IL18RAP: variants seen among roughly 807,000 people sequenced by gnomAD.
IL18RAP encodes interleukin-18 receptor accessory protein.
A neutral mutation model predicts 58.1 loss-of-function variants in IL18RAP; 37 were observed. That is an observed-to-expected ratio of 0.64 (90% CI 0.49 to 0.84). IL18RAP has a LOEUF of 0.84. Ranked by LOEUF, IL18RAP falls within the 40% of genes least tolerant of loss-of-function variation. The probability of loss-of-function intolerance (pLI) is 0.00; values close to 1 mark genes in which losing one functional copy is unlikely to be tolerated. For missense variants in IL18RAP, 667 were observed against 704.8 expected (o/e 0.95, Z 0.61); for synonymous variants, 268 against 257.5 (o/e 1.04, Z -0.39).
Position 102,451,960 on chromosome 2 carries a change from G to T in IL18RAP, c.1579G>T (p.Val527Leu), listed in dbSNP as rs143081976. The stretch of plus-strand genomic sequence containing the variant: ...AGAGCCAGAGTCTCTACCTCATCTC[G>T]TGAAAAAAGCTCTCAGGGTTTTGCC... ...FQEPESLPHL[V>L]KKALRVLPTV... The change falls in exon 10 of 10, where the codon GTG becomes TTG. Residue 527 changes from valine (V) to leucine (L), a missense_variant. Physicochemically the swap from Val to Leu is conservative, Grantham distance 32 (BLOSUM62 1). Coordinates refer to ENST00000687160, the MANE Select transcript of IL18RAP (RefSeq NM_001393487.1). 6.0e-4 allele frequency: 971 copies of T among 1,613,950 alleles called. 11 individuals are homozygous for T. The highest frequency in any genetic ancestry group is 1.6e-4 in the Middle Eastern group (1 of 6,084).
Position 102,452,377 on chromosome 2 carries a change from C to A in IL18RAP, c.*196C>A. 1.9e-6 allele frequency: 1 copy of A among 527,786 alleles called. No homozygotes were observed. Among genetic ancestry groups the A allele is most frequent in the Non-Finnish European group, 3.3e-6 (1 of 303,402 alleles). 32.7% of individuals were successfully genotyped at this position (527,786 alleles called of 1,614,324 possible). A position where few individuals can be genotyped will look rare whatever the true frequency, so the allele number is the denominator to read the frequency against. On this transcript the variant is annotated 3_prime_UTR_variant, in exon 10 of 10. Coordinates refer to ENST00000687160, the MANE Select transcript of IL18RAP (RefSeq NM_001393487.1). The stretch of plus-strand genomic sequence containing the variant: ...CCTTTGATTTCCTGGACTGGACTGA[C>A]GGCGAGTGAATTCTCTAGACCTTGG...
intron 3 of IL18RAP, among the ~76,000 whole-genome samples, chr2:102,427,279 T>A (rs11678975): frequency 0.22 from 33,601 of 152,052 alleles, 4,415 homozygotes; most frequent in East Asian, 0.4. Context: ...AAAAGTGGGA[T>A]TGCTGAATCA....
intron 5 of IL18RAP, among the ~76,000 whole-genome samples, chr2:102,441,996 A>G (rs1392129257): frequency 6.6e-6 from 1 of 152,226 alleles, no homozygotes; most frequent in African/African-American, 2.4e-5. Flanking sequence ...CCCCAGGAAC[A>G]GGTGGTTTCG....
chr2:102,443,096 T>C (rs984303826), intron 5 of IL18RAP, 104 bp from the exon 6 acceptor site: 25 of 1,102,464 alleles, frequency 2.3e-5, no homozygotes, highest in African/African-American at 3.2e-5. Context: ...CCTGCAAACC[T>C]GATTGCATCA....
chr2:102,422,111 C>G (rs1452186828), upstream of IL18RAP, among the ~76,000 whole-genome samples: 2 of 152,198 alleles, frequency 1.3e-5, no homozygotes, highest in East Asian at 3.9e-4. Flanking sequence ...CTACTCCTCT[C>G]TCTCCACCCT....
chr2:102,442,365 C>T (rs532629034), intron 5 of IL18RAP, among the ~76,000 whole-genome samples: 22 of 151,750 alleles, frequency 1.4e-4, no homozygotes, highest in African/African-American at 3.6e-4. Context: ...TAGAAAGAAA[C>T]ATAAAAATAC....
intron 3 of IL18RAP, among the ~76,000 whole-genome samples, chr2:102,425,460 A>G (rs539876831): frequency 1.3e-5 from 2 of 152,244 alleles, no homozygotes; most frequent in African/African-American, 4.8e-5. Flanking sequence ...GGGTGGACGA[A>G]CGGCATGGGG....
At chr2:102,437,718 T>A (rs1278970098) in intron 4 of IL18RAP, among the ~76,000 whole-genome samples, 1 of 152,178 alleles carries the variant, frequency 6.6e-6, no homozygotes, top group Non-Finnish European at 1.5e-5. Context: ...AAATCATAAT[T>A]TTTTTTCTTT....
In IL18RAP at chr2:102,435,594, G is replaced by T. The variant is rs117645173; in HGVS notation, c.580-1618G>T. Reference sequence around the variant, plus strand: ...CAGGGAGGAGAGTGAAAGAAATGCAGGTCTTTGGAGTCCTCCCAGACTGGG... The same window carrying T: ...CAGGGAGGAGAGTGAAAGAAATGCATGTCTTTGGAGTCCTCCCAGACTGGG... On this transcript the variant is annotated intron_variant, in intron 3 of 9. Coordinates refer to ENST00000687160, the MANE Select transcript of IL18RAP (RefSeq NM_001393487.1). Among the ~76,000 whole-genome samples the T allele has an allele frequency of 4.1e-4, 63 of 152,232 alleles. 1 individual carries two copies. The East Asian group carries it at 0.011, about 26-fold the overall frequency.
intron 3 of IL18RAP, among the ~76,000 whole-genome samples, chr2:102,430,503 A>T (rs1682270569): frequency 1.3e-5 from 2 of 151,936 alleles, no homozygotes; most frequent in African/African-American, 2.4e-5. Context: ...ATGTCTTTTG[A>T]TTGGAGACAT....
At chr2:102,433,545 TG>T (rs1213112648) in intron 3 of IL18RAP, among the ~76,000 whole-genome samples, 13 of 148,122 alleles carry the variant, frequency 8.8e-5, no homozygotes, top group Non-Finnish European at 9.0e-5. Flanking sequence ...GTTTGTTTTT[TG>T]AGATGGAATC....
chr2:102,452,128 G>A lies in IL18RAP; in HGVS notation c.1747G>A (p.Gly583Arg), dbSNP rs1486399505. The stretch of plus-strand genomic sequence containing the variant: ...TACCTCTAGGATTTTTCAGTGGAAA[G>A]GACTCAGTAGAACAGAAACCACTGG... Reference protein sequence around the residue: ...RITSRIFQWKGLSRTETTGRS... With the variant: ...RITSRIFQWKRLSRTETTGRS... The change falls in exon 10 of 10, where the codon GGA becomes AGA. Residue 583 changes from glycine (G) to arginine (R), a missense_variant. Transcript: ENST00000687160. The A allele has an allele frequency of 6.2e-7, 1 of 1,613,900 alleles. No individual in the cohort carries two copies. Among genetic ancestry groups the A allele is most frequent in the Non-Finnish European group, 8.5e-7 (1 of 1,179,986 alleles).
chr2:102,423,717 A>T (rs6543133), intron 1 of IL18RAP, 94 bp from the exon 2 acceptor site: 419,809 of 879,996 alleles, frequency 0.48, 107,212 homozygotes, highest in African/African-American at 0.74. Context: ...CAAGGAAGCT[A>T]GATCTCTTGT....
chr2:102,424,627 T>A (rs149806243), intron 3 of IL18RAP, among the ~76,000 whole-genome samples: 1 of 152,148 alleles, frequency 6.6e-6, no homozygotes, highest in East Asian at 1.9e-4. Context: ...GGCATCCTTT[T>A]GATCAACACC....
At chr2:102,437,614 A>T (rs4479442) in intron 4 of IL18RAP, among the ~76,000 whole-genome samples, 78,496 of 152,034 alleles carry the variant, frequency 0.52, 21,665 homozygotes, top group African/African-American at 0.67. Flanking sequence ...TAATAAATTT[A>T]AAAAATGTAT....
intron 8 of IL18RAP, among the ~76,000 whole-genome samples, chr2:102,450,118 G>A (rs564662015): frequency 3.0e-4 from 5 of 16,876 alleles, no homozygotes; most frequent in Middle Eastern, 0.021. Context: ...ATCCCATTCC[G>A]AAGCCTGTGA....
At chr2:102,451,121 G>A in intron 9 of IL18RAP, 100 bp downstream of exon 9, 1 of 954,160 alleles carries the variant, frequency 1.0e-6, no homozygotes, top group East Asian at 2.6e-5. Context: ...TATAGATCTG[G>A]GAGATTACAT....
chr2:102,431,654 C>T (rs1403124654), intron 3 of IL18RAP, among the ~76,000 whole-genome samples: 1 of 151,924 alleles, frequency 6.6e-6, no homozygotes, highest in Admixed American at 6.6e-5. Context: ...ATCACGGATG[C>T]TTTCTTCTGC....
rs201832137 is a variant in IL18RAP, at chr2:102,424,091, G to C, written c.351G>C (p.Gly117=). ...DKCTLHFLTP[G]VNNSGSYICR... is the part of the protein sequence containing the mutation. Reference sequence around the variant, plus strand: ...GTACCCTTCACTTTTTGACCCCAGGGGTGAATAATTCTGGGTCATATATTT... The same window carrying C: ...GTACCCTTCACTTTTTGACCCCAGGCGTGAATAATTCTGGGTCATATATTT... The change falls in exon 2 of 10, where the codon GGG becomes GGC. Residue 117 remains glycine (G), a synonymous_variant. Transcript: ENST00000687160. The C allele has an allele frequency of 2.0e-4, 329 of 1,613,720 alleles. 1 individual carries two copies. The highest frequency in any genetic ancestry group is 1.3e-3 in the Middle Eastern group (8 of 6,058).
Sources: allele counts gnomAD v4.1 joint callset (sites outside exome capture counted in the v4.1 genomes callset), GRCh38; gene constraint gnomAD v4.1.1; transcripts MANE v1.5; gene names NCBI Gene and HGNC (gene_info 2026-07-23, HGNC 2026-07-21).